HECW2: variants seen among roughly 807,000 people sequenced by gnomAD.
HECW2 encodes the protein HECT, C2 and WW domain containing E3 ubiquitin protein ligase 2.
HECW2 carries 61 observed loss-of-function variants against 175.2 expected under a neutral mutation model. That is an observed-to-expected ratio of 0.35 (90% CI 0.28 to 0.43). The LOEUF (loss-of-function observed/expected upper bound fraction) is 0.43. Ranked by LOEUF, HECW2 falls within the 20% of genes least tolerant of loss-of-function variation. HECW2 has a pLI of 1.00. For synonymous variants in HECW2, 671 were observed against 731.0 expected (o/e 0.92, Z 1.32); for missense variants, 1,524 against 2,000.5 (o/e 0.76, Z 4.54).
At chr2:196,531,711 T>C (rs1224596560) in intron 1 of HECW2, among the ~76,000 whole-genome samples, 2 of 152,090 alleles carry the variant, frequency 1.3e-5, no homozygotes, top group African/African-American at 4.8e-5. Context: ...AGCTCTCTTT[T>C]ACTTCCGAGC....
intron 1 of HECW2, among the ~76,000 whole-genome samples, chr2:196,524,334 AT>A (rs1171505832): frequency 9.1e-6 from 1 of 109,402 alleles, no homozygotes; most frequent in African/African-American, 5.9e-5. Context: ...CCCCTTTATC[AT>A]TTTTTATTGT....
chr2:196,491,369 TACACACAC>T (rs67409257), intron 1 of HECW2, among the ~76,000 whole-genome samples: 152 of 130,662 alleles, frequency 1.2e-3, no homozygotes, highest in Middle Eastern at 7.6e-3. Context: ...CATATATATA[TACACACAC>T]ACACACACAC....
At chr2:196,251,404 G>A (rs1417857548) in intron 19 of HECW2, among the ~76,000 whole-genome samples, 2 of 151,902 alleles carry the variant, frequency 1.3e-5, no homozygotes, top group African/African-American at 2.4e-5. Context: ...TATACTCTAG[G>A]TTCCAGTTGC....
intron 1 of HECW2, among the ~76,000 whole-genome samples, chr2:196,587,079 A>G (rs535683069): frequency 1.3e-5 from 2 of 152,348 alleles, no homozygotes; most frequent in East Asian, 3.9e-4. Flanking sequence ...AATATGACTC[A>G]TACTTATTTT....
At chr2:196,219,647 TG>T (rs1318532556) in intron 26 of HECW2, among the ~76,000 whole-genome samples, 2 of 152,214 alleles carry the variant, frequency 1.3e-5, no homozygotes, top group Non-Finnish European at 2.9e-5. Flanking sequence ...GGAAAAACTG[TG>T]CTGATTGGGA....
At chr2:196,286,615 T>A (rs1251686295) in intron 14 of HECW2, among the ~76,000 whole-genome samples, 7 of 152,178 alleles carry the variant, frequency 4.6e-5, no homozygotes, top group Non-Finnish European at 1.0e-4. Flanking sequence ...CACTTACGCA[T>A]TAATTCTTTC....
intron 2 of HECW2, among the ~76,000 whole-genome samples, chr2:196,347,334 A>G (rs907396654): frequency 1.3e-5 from 2 of 152,002 alleles, no homozygotes; most frequent in African/African-American, 4.8e-5. Flanking sequence ...TGCTAGGATT[A>G]CAGGTGTAAG....
At chr2:196,413,723 ATC>A (rs1695178144) in intron 2 of HECW2, among the ~76,000 whole-genome samples, 1 of 152,214 alleles carries the variant, frequency 6.6e-6, no homozygotes. Context: ...TAAAAATATT[ATC>A]ATGGATAAAA....
chr2:196,492,562 G>A (rs1474520623), intron 1 of HECW2, among the ~76,000 whole-genome samples: 1 of 152,196 alleles, frequency 6.6e-6, no homozygotes, highest in Non-Finnish European at 1.5e-5. Flanking sequence ...TTCATCCTCA[G>A]TCAGAGGACA....
At chr2:196,279,814 C>T (rs753425696) in intron 14 of HECW2, among the ~76,000 whole-genome samples, 1 of 152,200 alleles carries the variant, frequency 6.6e-6, no homozygotes, top group Non-Finnish European at 1.5e-5. Flanking sequence ...CTTACAAAAA[C>T]ATGTCTCCTT....
chr2:196,575,136 A>T (rs1690519124), intron 1 of HECW2, among the ~76,000 whole-genome samples: 1 of 151,754 alleles, frequency 6.6e-6, no homozygotes, highest in Admixed American at 6.6e-5. Context: ...ATTTTGCAAA[A>T]AAAAAAATAC....
chr2:196,223,845 A>G (rs1231195633), intron 23 of HECW2, among the ~76,000 whole-genome samples: 2 of 152,218 alleles, frequency 1.3e-5, no homozygotes, highest in Non-Finnish European at 2.9e-5. Flanking sequence ...TGTGCTATTA[A>G]GGTTGGAGAG....
At chr2:196,219,969 T>C (rs756975748) in intron 26 of HECW2, 70 bp downstream of exon 26, 6 of 1,001,970 alleles carry the variant, frequency 6.0e-6, no homozygotes, top group Non-Finnish European at 9.4e-6. Context: ...CTATATTCAG[T>C]TGGCAAGCTG....
intron 1 of HECW2, among the ~76,000 whole-genome samples, chr2:196,561,673 A>C (rs1383845571): frequency 6.6e-6 from 1 of 152,026 alleles, no homozygotes; most frequent in African/African-American, 2.4e-5. Context: ...GCACTTAGGG[A>C]AAATAGAAAA....
rs1038921064 is a variant in HECW2 at position 196,578,758 on chromosome 2, T to C, written c.-36+14750A>G. Among the ~76,000 whole-genome samples, 8 of 152,256 alleles carry C rather than the reference T, an allele frequency of 5.3e-5. No individual in the cohort carries two copies. The East Asian group carries it at 7.7e-4, about 15-fold the overall frequency. ...AAGACTTCTATAACTGGGAAAACTA[T>C]CCTTCAAAAAATGAAGGCAAAATTA... On this transcript the variant is annotated intron_variant, in intron 1 of 28. Coordinates refer to ENST00000644978, the MANE Select transcript of HECW2 (RefSeq NM_001348768.2).
chr2:196,258,344 G>T (rs1379017310), intron 17 of HECW2, among the ~76,000 whole-genome samples: 3 of 152,154 alleles, frequency 2.0e-5, no homozygotes, highest in Non-Finnish European at 4.4e-5. Flanking sequence ...TAAGTTGCAT[G>T]TGATGAGCTC....
intron 2 of HECW2, among the ~76,000 whole-genome samples, chr2:196,411,713 C>G (rs1695115642): frequency 6.6e-6 from 1 of 152,172 alleles, no homozygotes; most frequent in Admixed American, 6.6e-5. Flanking sequence ...TGACTTGGAT[C>G]AAAATTACAT....
chr2:196,393,145 T>G lies in HECW2; in HGVS notation c.292+39987A>C, dbSNP rs1694561904. On this transcript the variant is annotated intron_variant, in intron 2 of 28. Coordinates refer to ENST00000644978, the MANE Select transcript of HECW2 (RefSeq NM_001348768.2). ...TCCTTACACCTTATACAAAAATTAA[T>G]TCAAGATGGATTAAAGACTTAAACA... Among the ~76,000 whole-genome samples, 3 of 152,180 alleles carry G rather than the reference T, an allele frequency of 2.0e-5. No homozygotes were observed. In the South Asian group the frequency reaches 6.2e-4, roughly 32 times the overall value.
Position 196,215,872 on chromosome 2 carries a change from G to A in HECW2, c.4600C>T (p.Leu1534Phe). The change falls in exon 28 of 29, where the codon CTT (leucine) becomes TTT (phenylalanine). Residue 1534 changes from leucine to phenylalanine, a missense_variant. Coordinates refer to ENST00000644978, the MANE Select transcript of HECW2 (RefSeq NM_001348768.2). Reference protein sequence around the residue: ...CVEKWGKITALPRAHTCFNRL... With the variant: ...CVEKWGKITAFPRAHTCFNRL... ...TGTTATTTTATATTTTACCTGGGAAGAGCAGTGATTTTCCCCCATTTCTCC... is the reference window on the plus strand; with the variant it reads ...TGTTATTTTATATTTTACCTGGGAAAAGCAGTGATTTTCCCCCATTTCTCC... 6.2e-7 allele frequency: 1 copy of A among 1,602,738 alleles called. No homozygotes were observed. Among genetic ancestry groups the A allele is most frequent in the Non-Finnish European group, 8.5e-7 (1 of 1,169,696 alleles).
Sources: allele counts gnomAD v4.1 joint callset (sites outside exome capture counted in the v4.1 genomes callset), GRCh38; gene constraint gnomAD v4.1.1; transcripts MANE v1.5; gene names NCBI Gene and HGNC (gene_info 2026-07-23, HGNC 2026-07-21).